TENT5D: variants seen among roughly 807,000 people sequenced by gnomAD.
TENT5D encodes cancer/testis antigen 112.
For synonymous variants in TENT5D, 103 were observed against 100.6 expected (o/e 1.02, Z -0.15); for missense variants, 191 against 287.0 (o/e 0.67, Z 2.42).
At chrX:80,372,975 A>G (rs1425006343) in intron 3 of TENT5D, among the ~76,000 whole-genome samples, 3 of 110,320 alleles carry the variant, frequency 2.7e-5, no homozygotes, top group Admixed American at 9.8e-5. Context: ...ATAATCAACC[A>G]TAGTGATATG....
intron 3 of TENT5D, among the ~76,000 whole-genome samples, chrX:80,383,769 T>C (rs768147731): frequency 9.0e-6 from 1 of 110,784 alleles, no homozygotes; most frequent in East Asian, 2.8e-4. Flanking sequence ...GGCAGGAGAA[T>C]GGCGTGAACC....
intron 3 of TENT5D, among the ~76,000 whole-genome samples, chrX:80,414,986 C>T (rs902650694): frequency 1.8e-5 from 2 of 111,388 alleles, no homozygotes; most frequent in Non-Finnish European, 3.8e-5. Context: ...TTTTGTAATT[C>T]TCATTGTAGC....
chrX:80,384,897 A>G (rs1289257221), intron 3 of TENT5D, among the ~76,000 whole-genome samples: 2 of 110,753 alleles, frequency 1.8e-5, no homozygotes, highest in Non-Finnish European at 3.8e-5. Flanking sequence ...GAGAACTACA[A>G]ACCACTGCTC....
chrX:80,371,855 G>A (rs923340108), intron 3 of TENT5D, among the ~76,000 whole-genome samples: 2 of 111,569 alleles, frequency 1.8e-5, no homozygotes, highest in Non-Finnish European at 3.8e-5. Flanking sequence ...TCTTATCATT[G>A]CATTCACATT....
chrX:80,360,082 C>T (rs910786628), intron 3 of TENT5D, among the ~76,000 whole-genome samples: 3 of 111,525 alleles, frequency 2.7e-5, no homozygotes, highest in South Asian at 7.4e-4. Flanking sequence ...ATCAGATGAG[C>T]GAGATTGAGA....
chrX:80,443,116 A>G lies in TENT5D; in HGVS notation c.577A>G (p.Lys193Glu), dbSNP rs140859426. 1.3e-3 allele frequency: 1,516 copies of G among 1,209,260 alleles called. No individual in the cohort carries two copies. The highest frequency in any genetic ancestry group is 1.5e-3 in the Non-Finnish European group (1,377 of 894,743). Residue 193 changes from lysine to glutamate, a missense_variant, in exon 3 of 3, where the codon AAG becomes GAG. Lys to Glu is a moderately conservative substitution (Grantham distance 56). Coordinates refer to ENST00000308293, the Ensembl canonical transcript of TENT5D. Reference sequence around the variant, plus strand: ...AGACTTCTACAGTGACAAAAATGCCAAGCTAACCAAAGAATCCTATCCTGT... The same window carrying G: ...AGACTTCTACAGTGACAAAAATGCCGAGCTAACCAAAGAATCCTATCCTGT...
In TENT5D at chrX:80,442,504, ATTTTG is replaced by A. The variant is rs1160712290; in HGVS notation, c.-18-14_-18-10del. The A allele has an allele frequency of 9.1e-7, 1 of 1,100,959 alleles. No homozygotes were observed. Among genetic ancestry groups the A allele is most frequent in the African/African-American group, 1.8e-5 (1 of 54,526 alleles). The allele number at this position is 1,100,959 out of a possible 1,213,427, so 90.7% of individuals were successfully genotyped here. A position where few individuals can be genotyped will look rare whatever the true frequency, so the allele number is the denominator to read the frequency against. On this transcript the variant is annotated splice_polypyrimidine_tract_variant and intron_variant, in intron 2 of 2. Coordinates refer to ENST00000308293, the Ensembl canonical transcript of TENT5D. Reference sequence around the variant, plus strand: ...AGGTGCTAACATATTTCTTCCCAATATTTTGTTTGCTGTCTAGTGATCTACTGACT... The same window carrying A: ...AGGTGCTAACATATTTCTTCCCAATATTTGCTGTCTAGTGATCTACTGACT...
intron 3 of TENT5D, among the ~76,000 whole-genome samples, chrX:80,384,545 A>G (rs1930949829): frequency 1.5e-5 from 1 of 68,961 alleles, no homozygotes; most frequent in South Asian, 9.8e-4. Context: ...CACCACTCCT[A>G]TTCAACATAG....
chrX:80,393,077 T>G (rs1242760887), intron 3 of TENT5D, among the ~76,000 whole-genome samples: 1 of 109,994 alleles, frequency 9.1e-6, no homozygotes, highest in Non-Finnish European at 1.9e-5. Flanking sequence ...GGAAAAATTT[T>G]TTTATATTCT....
intron 3 of TENT5D, among the ~76,000 whole-genome samples, chrX:80,405,579 C>T (rs1443480736): frequency 8.9e-6 from 1 of 112,448 alleles, no homozygotes; most frequent in Non-Finnish European, 1.9e-5. Flanking sequence ...GAGATTATAT[C>T]TCGCACCTGG....
intron 3 of TENT5D, among the ~76,000 whole-genome samples, chrX:80,409,917 G>A (rs1264365466): frequency 9.3e-6 from 1 of 108,015 alleles, no homozygotes; most frequent in Non-Finnish European, 1.9e-5. Context: ...CAATGGAACA[G>A]AACAGAGCCC....
chrX:80,417,383 G>A (rs1410287317), upstream of TENT5D, among the ~76,000 whole-genome samples: 6 of 107,792 alleles, frequency 5.6e-5, no homozygotes, highest in Non-Finnish European at 1.1e-4. Flanking sequence ...TTGTGTGTTT[G>A]CTTTATTGTA....
At chrX:80,394,951 G>A (rs1931213386) in intron 3 of TENT5D, among the ~76,000 whole-genome samples, 1 of 111,116 alleles carries the variant, frequency 9.0e-6, no homozygotes, top group African/African-American at 3.3e-5. Context: ...TGTGCAATAG[G>A]ATACCAGAAC....
intron 1 of TENT5D, among the ~76,000 whole-genome samples, chrX:80,425,090 C>A (rs1362010823): frequency 8.9e-6 from 1 of 112,548 alleles, no homozygotes; most frequent in Non-Finnish European, 1.9e-5. Flanking sequence ...GAAACACATC[C>A]TTTTAGTTAA....
chrX:80,422,564 C>G (rs1931910808), intron 1 of TENT5D, among the ~76,000 whole-genome samples: 2 of 111,756 alleles, frequency 1.8e-5, no homozygotes, highest in African/African-American at 6.5e-5. Context: ...CACGCTAACA[C>G]CACACCCCTG....
chrX:80,412,704 C>T (rs1403991759), intron 3 of TENT5D, among the ~76,000 whole-genome samples: 1 of 111,616 alleles, frequency 9.0e-6, no homozygotes, highest in East Asian at 2.8e-4. Flanking sequence ...TAACAAGTTC[C>T]TCATCCCCAT....
chrX:80,343,391 CTTTTTT>C (rs775221687), intron 3 of TENT5D, among the ~76,000 whole-genome samples: 1 of 83,375 alleles, frequency 1.2e-5, no homozygotes, highest in African/African-American at 4.5e-5. Flanking sequence ...CATTTTATTT[CTTTTTT>C]TTTTTTTTTT....
At position 80,371,874 on chromosome X, in the gene TENT5D, C is replaced by A. The variant is rs1414031125; in HGVS notation, c.-142+29310C>A. 2.3e-4 allele frequency among the ~76,000 whole-genome samples: 26 copies of A among 111,778 alleles called. 1 individual carries two copies. The Admixed American group carries it at 2.4e-3, about 10-fold the overall frequency. ...ATCATTGCATTCACATTTCTTATCA[C>A]TGGTGTGTTCACTGGAGTATCACTT... On this transcript the variant is annotated intron_variant, in intron 3 of 4. Coordinates refer to the TENT5D transcript ENST00000538312.
chrX:80,348,078 G>A (rs1930103586), intron 3 of TENT5D, among the ~76,000 whole-genome samples: 1 of 112,044 alleles, frequency 8.9e-6, no homozygotes, highest in Non-Finnish European at 1.9e-5. Flanking sequence ...TTTGGTTACT[G>A]TAGCCTTGTA....
Sources: allele counts gnomAD v4.1 joint callset (sites outside exome capture counted in the v4.1 genomes callset), GRCh38; gene constraint gnomAD v4.1.1; transcripts MANE v1.5; gene names NCBI Gene and HGNC (gene_info 2026-07-23, HGNC 2026-07-21).